The following ATP13A1 variants were observed in gnomAD, a reference collection of about 807,000 sequenced individuals.
The protein encoded by ATP13A1 is endoplasmic reticulum transmembrane helix translocase.
ATP13A1 carries 55 observed loss-of-function variants against 134.8 expected under a neutral mutation model. The observed-to-expected ratio is 0.41, with a 90% CI of 0.33 to 0.51. The LOEUF (loss-of-function observed/expected upper bound fraction) is 0.51, where lower values mean the gene tolerates loss of function less well. Among genes scored for constraint, ATP13A1 ranks in the 20% least tolerant of loss-of-function variants. The pLI is 0.29. For synonymous variants in ATP13A1, 775 were observed against 725.1 expected (o/e 1.07, Z -1.10); for missense variants, 1,389 against 1,652.8 (o/e 0.84, Z 2.77).
At position 19,652,581 on chromosome 19, in the gene ATP13A1, G is replaced by A. The variant is rs1202710533; in HGVS notation, c.2226+14C>T. Reference sequence around the variant, plus strand: ...TTTCCCATGCAGAGGGTGGAGCCGAGCACCGTCCCATACCCGGTGGGACGC... The same window carrying A: ...TTTCCCATGCAGAGGGTGGAGCCGAACACCGTCCCATACCCGGTGGGACGC... On this transcript the variant is annotated intron_variant, in intron 16 of 25. Coordinates refer to ENST00000357324, the MANE Select transcript of ATP13A1 (RefSeq NM_020410.3). 6.2e-7 allele frequency: 1 copy of A among 1,605,436 alleles called. No individual in the cohort carries two copies. The highest frequency in any genetic ancestry group is 2.2e-5 in the East Asian group (1 of 44,608).
At chr19:19,646,513 G>C in intron 22 of ATP13A1, 166 bp from the exon 23 acceptor site, 1 of 837,254 alleles carries the variant, frequency 1.2e-6, no homozygotes, top group Non-Finnish European at 1.8e-6. Context: ...ATCCCTGCCT[G>C]CCTCTCACCC....
rs1158496354 is a variant in ATP13A1, at chr19:19,647,965, A to G, written c.2633-206T>C. Among the ~76,000 whole-genome samples the G allele has an allele frequency of 1.3e-5, 2 of 152,320 alleles. No individual in the cohort carries two copies. Among genetic ancestry groups the G allele is most frequent in the South Asian group, 2.1e-4 (1 of 4,830 alleles). ...AACTACTTTAAGAAAACAAACCACCAACAATAAACCCCCACAACAAATGCA... is the reference window on the plus strand; with the variant it reads ...AACTACTTTAAGAAAACAAACCACCGACAATAAACCCCCACAACAAATGCA... On this transcript the variant is annotated intron_variant, in intron 19 of 25. Coordinates refer to ENST00000357324, the MANE Select transcript of ATP13A1 (RefSeq NM_020410.3). This position sits in a 1 kb window ranked among gnomAD's most constrained non-coding sequence, Gnocchi z 4.8.
chr19:19,652,703 C>T lies in ATP13A1; in HGVS notation c.2118G>A (p.Arg706=). 6.2e-7 allele frequency: 1 copy of T among 1,606,326 alleles called. No individual in the cohort carries two copies. The highest frequency in any genetic ancestry group is 8.5e-7 in the Non-Finnish European group (1 of 1,177,550). Residue 706 remains arginine (R), a synonymous_variant, in exon 16 of 26, where the codon CGG becomes CGA. Coordinates refer to ENST00000357324, the MANE Select transcript of ATP13A1 (RefSeq NM_020410.3). ...ACTTGAGGCTGCACTCCAGGGCCTC[C>T]CGCTTGACCTCCCGGGCCTGCGGAC... ...LTHQQAREVK[R]EALECSLKFV...
intron 3 of ATP13A1, among the ~76,000 whole-genome samples, chr19:19,659,244 C>T (rs1283694477): frequency 6.6e-6 from 1 of 152,166 alleles, no homozygotes; most frequent in Non-Finnish European, 1.5e-5. Flanking sequence ...CACCTGAGGT[C>T]AGGAGTTCAA....
intron 22 of ATP13A1, 46 bp from the exon 23 acceptor site, chr19:19,646,393 G>A: frequency 1.2e-6 from 2 of 1,610,144 alleles, no homozygotes; most frequent in Non-Finnish European, 1.7e-6. Context: ...GGCTCACTTG[G>A]GGCCACCCTG....
chr19:19,655,387 A>C lies in ATP13A1; in HGVS notation c.1463T>G (p.Val488Gly). ...CTCGATGGGCAGCTCAGGAGGCACG[A>C]CCGAGGTGAGGATCAGGGTGCACTC... is the stretch of plus-strand genomic sequence containing the variant. ...FLECTLILTS[V>G]VPPELPIELS... The change falls in exon 11 of 26, where the codon GTC becomes GGC. Residue 488 changes from valine (V) to glycine (G), a missense_variant. Around this residue, in one of 4 missense-constraint regions of ATP13A1, gnomAD observed 747 missense variants for 956.1 expected, o/e 0.78. Transcript: ENST00000357324. The surrounding 1 kb of genome is among the most constrained non-coding windows in gnomAD (Gnocchi z 5.7). 1 of 1,613,886 alleles carries C rather than the reference A, an allele frequency of 6.2e-7. No homozygotes were observed. The highest frequency in any genetic ancestry group is 8.5e-7 in the Non-Finnish European group (1 of 1,179,866).
chr19:19,649,156 G>C (rs1599428517), intron 19 of ATP13A1, among the ~76,000 whole-genome samples: 1 of 150,872 alleles, frequency 6.6e-6, no homozygotes, highest in African/African-American at 2.4e-5. Flanking sequence ...CTGTCACTTA[G>C]GTTAGAGTGG....
rs748918267 is a variant in ATP13A1, at chr19:19,646,234, G to A, written c.3219C>T (p.Tyr1073=). 44 of 1,613,818 alleles carry A rather than the reference G, an allele frequency of 2.7e-5. No homozygotes were observed. In the Admixed American group the frequency reaches 7.0e-4, roughly 26 times the overall value. The change falls in exon 23 of 26, where the codon TAC becomes TAT. Residue 1073 remains tyrosine, a synonymous_variant. Transcript: ENST00000357324. ...FVHFLSLVYL[Y]REAQARSPEK... Reference sequence around the variant, plus strand: ...CGGGGCTCCGGGCCTGGGCCTCACGGTACAGGTAGACAAGGCTCAGGAAGT... The same window carrying A: ...CGGGGCTCCGGGCCTGGGCCTCACGATACAGGTAGACAAGGCTCAGGAAGT...
chr19:19,651,718 G>C lies in ATP13A1; in HGVS notation c.2306C>G (p.Thr769Arg), dbSNP rs1394240621. ...QELHFIEKAH[T>R]LILQPPSEKG... ...CTCGGAGGGAGGCTGCAGGATCAGC[G>C]TGTGGGCCTTTTCAATGAAGTGCAG... Residue 769 changes from threonine (T) to arginine (R), a missense_variant, in exon 17 of 26, where the codon ACG becomes AGG. By Grantham distance (71) the Thr-to-Arg change is moderately conservative. Coordinates refer to ENST00000357324, the MANE Select transcript of ATP13A1 (RefSeq NM_020410.3). The C allele has an allele frequency of 6.2e-7, 1 of 1,613,366 alleles. No homozygotes were observed. Among genetic ancestry groups the C allele is most frequent in the South Asian group, 1.1e-5 (1 of 90,996 alleles).
chr19:19,646,529 C>T (rs1436652858), intron 22 of ATP13A1, 182 bp from the exon 23 acceptor site: 7 of 721,054 alleles, frequency 9.7e-6, no homozygotes, highest in Non-Finnish European at 1.3e-5. Flanking sequence ...CACCCCTGAG[C>T]CCAGGGCTGC....
chr19:19,654,202 C>T, intron 13 of ATP13A1, 58 bp from the exon 14 acceptor site: 1 of 1,497,156 alleles, frequency 6.7e-7, no homozygotes, highest in Non-Finnish European at 9.0e-7. Flanking sequence ...CAGCCAAGCC[C>T]CTACCTCTCA....
chr19:19,648,819 A>AT (rs1305702390), intron 19 of ATP13A1, among the ~76,000 whole-genome samples: 3 of 149,140 alleles, frequency 2.0e-5, no homozygotes, highest in Non-Finnish European at 4.5e-5. Context: ...AAAAAAAAAA[A>AT]AAAAAAAAAA....
intron 17 of ATP13A1, chr19:19,650,276 C>A: frequency 2.6e-6 from 1 of 379,902 alleles, no homozygotes; most frequent in Non-Finnish European, 4.8e-6. Context: ...CTATTGCGCT[C>A]TCCTTGGGAA....
rs750986836 is a variant in ATP13A1 at position 19,656,780 on chromosome 19, G to A, written c.977-14C>T. 1.2e-6 allele frequency: 2 copies of A among 1,613,082 alleles called. No individual in the cohort carries two copies. The highest frequency in any genetic ancestry group is 2.7e-5 in the African/African-American group (2 of 74,942). On this transcript the variant is annotated splice_polypyrimidine_tract_variant and intron_variant, in intron 6 of 25. Coordinates refer to ENST00000357324, the MANE Select transcript of ATP13A1 (RefSeq NM_020410.3). This position sits in a 1 kb window ranked among gnomAD's most constrained non-coding sequence, Gnocchi z 4.6. ...GTGGGGAGCGGCCTGCAGGGCAGAG[G>A]CAGGAGGGTTGGCCAGAGGCCCTGA...
chr19:19,658,709 G>A (rs769122104), intron 3 of ATP13A1, among the ~76,000 whole-genome samples: 2 of 152,154 alleles, frequency 1.3e-5, no homozygotes, highest in African/African-American at 4.8e-5. Flanking sequence ...GGTGTGCACC[G>A]CACATTGGCC....
In ATP13A1 at chr19:19,663,252, C is replaced by T. The variant is rs1335715573; in HGVS notation, c.396+19G>A. 6.4e-7 allele frequency: 1 copy of T among 1,566,452 alleles called. No homozygotes were observed. ...AGGCTCGACCGTGCTGGGGGTCGGGCTCGCGTGTACACACTTACCGGGGTG... is the reference window on the plus strand; with the variant it reads ...AGGCTCGACCGTGCTGGGGGTCGGGTTCGCGTGTACACACTTACCGGGGTG... On this transcript the variant is annotated intron_variant, in intron 1 of 25. Transcript: ENST00000357324.
rs556464884 is a variant in ATP13A1, at chr19:19,649,470, C to T, written c.2632+97G>A. The T allele has an allele frequency of 3.6e-5, 47 of 1,299,128 alleles. 1 individual carries two copies. Among genetic ancestry groups the T allele is most frequent in the South Asian group, 1.2e-4 (9 of 75,402 alleles). 80.5% of individuals were successfully genotyped at this position (1,299,128 alleles called of 1,614,324 possible). On this transcript the variant is annotated intron_variant, in intron 19 of 25. Coordinates refer to ENST00000357324, the MANE Select transcript of ATP13A1 (RefSeq NM_020410.3). ...CCATCCTCACAGGAATTAGTGCCCC[C>T]GTGGCTGTCACCAAGGGCCAGGTCT...
rs2062058763 is a variant in ATP13A1 at position 19,656,429 on chromosome 19, C to T, written c.1083+231G>A. 6.6e-6 allele frequency among the ~76,000 whole-genome samples: 1 copy of T among 152,140 alleles called. No individual in the cohort carries two copies. Among genetic ancestry groups the T allele is most frequent in the Non-Finnish European group, 1.5e-5 (1 of 68,012 alleles). ...TGGGACTCACCCCTCTGGACTGCTC[C>T]CAGCCCACCTTGGTCTGACATCCCA... On this transcript the variant is annotated intron_variant, in intron 7 of 25. Coordinates refer to ENST00000357324, the MANE Select transcript of ATP13A1 (RefSeq NM_020410.3). The surrounding 1 kb of genome is among the most constrained non-coding windows in gnomAD (Gnocchi z 4.6).
In ATP13A1 at chr19:19,645,913, G is replaced by A. The variant is rs200204565; in HGVS notation, c.3321C>T (p.Ala1107=). 13 of 1,613,918 alleles carry A rather than the reference G, an allele frequency of 8.1e-6. No individual in the cohort carries two copies. Among genetic ancestry groups the A allele is most frequent in the Non-Finnish European group, 1.1e-5 (13 of 1,179,892 alleles). The change falls in exon 24 of 26, where the codon GCC becomes GCT. Residue 1107 remains alanine (A), a synonymous_variant. Transcript: ENST00000357324. This position sits in a 1 kb window ranked among gnomAD's most constrained non-coding sequence, Gnocchi z 4.1. ...SLVNSTVYIM[A]MAMQMATFAI... Reference sequence around the variant, plus strand: ...CGAAGGTGGCCATCTGCATGGCCATGGCCATGATGTAGACGGTGCTGTTGA... The same window carrying A: ...CGAAGGTGGCCATCTGCATGGCCATAGCCATGATGTAGACGGTGCTGTTGA...
Sources: gnomAD v4.1 joint callset for allele counts (sites outside exome capture counted in the v4.1 genomes callset) on GRCh38, gnomAD v4.1.1 for gene constraint, gnomAD v4.1.1 regional missense constraint, Gnocchi (gnomAD v3.1) non-coding constraint, MANE v1.5 for transcripts, NCBI Gene and HGNC (gene_info 2026-07-23, HGNC 2026-07-21) for gene names.